The following NOTCH1 variants were observed in gnomAD, a reference collection of about 807,000 sequenced individuals.
The protein encoded by NOTCH1 is notch receptor 1.
In NOTCH1, 37 loss-of-function variants were observed where a neutral mutation model predicts 254.8. The observed-to-expected ratio is 0.15, with a 90% CI of 0.11 to 0.19. The LOEUF (loss-of-function observed/expected upper bound fraction) is 0.19. Ranked by LOEUF, NOTCH1 falls within the 10% of genes least tolerant of loss-of-function variation. NOTCH1 has a pLI of 1.00. For synonymous variants in NOTCH1, 1,731 were observed against 1,618.1 expected (o/e 1.07, Z -1.68); for missense variants, 2,972 against 3,708.6 (o/e 0.80, Z 5.16).
At position 136,509,784 on chromosome 9, in the gene NOTCH1, G is replaced by T; in HGVS notation, c.2918C>A (p.Ala973Glu). The T allele has an allele frequency of 6.2e-7, 1 of 1,613,094 alleles. No homozygotes were observed. ...CVDSYTCTCPAGFSGIHCENN... is the reference protein window; with the variant it reads ...CVDSYTCTCPEGFSGIHCENN... ...CTCACAGTGGATCCCGCTGAAGCCT[G>T]CGGGGCAGGTGCACGTGTAGCTGTC... The change falls in exon 18 of 34, where the codon GCA (alanine) becomes GAA (glutamate). Residue 973 changes from alanine (A) to glutamate (E), a missense_variant. By Grantham distance (107) the Ala-to-Glu change is moderately radical. Around this residue, in one of 8 missense-constraint regions of NOTCH1, gnomAD observed 1,343 missense variants for 1,557.0 expected, o/e 0.86. Coordinates refer to ENST00000651671, the MANE Select transcript of NOTCH1 (RefSeq NM_017617.5).
rs748001079 is a variant in NOTCH1 at position 136,519,569 on chromosome 9, C to T, written c.743-4G>A. The T allele has an allele frequency of 6.2e-7, 1 of 1,612,742 alleles. No individual in the cohort carries two copies. The highest frequency in any genetic ancestry group is 8.5e-7 in the Non-Finnish European group (1 of 1,179,884). ...TCACAGTTCTGGCCGGTGAAGCCTG[C>T]CGCAAGAGGGGCCGGGTCAGCCTCT... On this transcript the variant is annotated splice_polypyrimidine_tract_variant and splice_region_variant and intron_variant, in intron 4 of 33. Transcript: ENST00000651671.
chr9:136,517,252 G>GGGGC lies in NOTCH1; in HGVS notation c.1555+16_1555+19dup. On this transcript the variant is annotated intron_variant, in intron 9 of 33. Coordinates refer to ENST00000651671, the MANE Select transcript of NOTCH1 (RefSeq NM_017617.5). ...CAGGGTGCAGACGACCCGGGGGCAG[G>GGGGC]GGGCGGGGGTGGCCCTCACCCGTGG... is the stretch of plus-strand genomic sequence containing the variant. 1 of 1,514,808 alleles carries GGGGC rather than the reference G, an allele frequency of 6.6e-7. No homozygotes were observed. Among genetic ancestry groups the GGGGC allele is most frequent in the Non-Finnish European group, 9.0e-7 (1 of 1,105,068 alleles). 93.8% of individuals were successfully genotyped at this position (1,514,808 alleles called of 1,614,324 possible). A position where few individuals can be genotyped will look rare whatever the true frequency, so the allele number is the denominator to read the frequency against.
rs1279772014 is a variant in NOTCH1 at position 136,523,039 on chromosome 9, T to G, written c.553A>C (p.Lys185Gln). The G allele has an allele frequency of 6.4e-7, 1 of 1,556,260 alleles. No individual in the cohort carries two copies. Among genetic ancestry groups the G allele is most frequent in the Non-Finnish European group, 8.7e-7 (1 of 1,150,438 alleles). ...CRQDVNECGQKPGLCRHGGTC... is the reference protein window; with the variant it reads ...CRQDVNECGQQPGLCRHGGTC... ...CCTCCGTGGCGGCAAAGCCCGGGCT[T>G]CTGGCCACACTCGTTGACATCCTGC... Residue 185 changes from lysine to glutamine, a missense_variant, in exon 4 of 34, where the codon AAG (lysine) becomes CAG (glutamine). By Grantham distance (53) the Lys-to-Gln change is moderately conservative. This residue lies in a region of NOTCH1 where 374 missense variants were observed against 496.3 expected (regional missense o/e 0.75). Transcript: ENST00000651671.
chr9:136,522,186 C>G (rs1308416773), intron 4 of NOTCH1, among the ~76,000 whole-genome samples: 1 of 152,108 alleles, frequency 6.6e-6, no homozygotes, highest in Non-Finnish European at 1.5e-5. Flanking sequence ...GCCGTGTTAG[C>G]CAGGATGGTC....
chr9:136,502,128 C>G (rs2133330347), intron 28 of NOTCH1, 40 bp from the exon 29 acceptor site: 1 of 1,609,412 alleles, frequency 6.2e-7, no homozygotes, highest in Non-Finnish European at 8.5e-7. Context: ...TGAGCGAGCT[C>G]CCTAGGAAGC....
chr9:136,535,460 TA>T (rs1272705000), intron 2 of NOTCH1, among the ~76,000 whole-genome samples: 1 of 132,064 alleles, frequency 7.6e-6, no homozygotes, highest in African/African-American at 3.2e-5. Context: ...GGGTGCAGGG[TA>T]GGCGGGGAGC....
rs1257950122 is a variant in NOTCH1 at position 136,540,296 on chromosome 9, C to G, written c.140+3728G>C. Among the ~76,000 whole-genome samples the G allele has an allele frequency of 6.6e-6, 1 of 152,204 alleles. No individual in the cohort carries two copies. Among genetic ancestry groups the G allele is most frequent in the East Asian group, 1.9e-4 (1 of 5,192 alleles). ...GCCTGGCCTGGAGCAGAACGCAGCA[C>G]ACAGCAGGCGCTCAAACGTGTCTGT... On this transcript the variant is annotated intron_variant, in intron 2 of 33. Coordinates refer to ENST00000651671, the MANE Select transcript of NOTCH1 (RefSeq NM_017617.5). The surrounding 1 kb of genome is among the most constrained non-coding windows in gnomAD (Gnocchi z 4.4).
Position 136,495,365 on chromosome 9 carries a change from C to T in NOTCH1, c.*706G>A, listed in dbSNP as rs918998472. On this transcript the variant is annotated 3_prime_UTR_variant, in exon 34 of 34. Transcript: ENST00000651671. Reference sequence around the variant, plus strand: ...TGAAACAAAGATTCATGATTGGTACCATGGGTGCACTCTTGGCATACACAC... The same window carrying T: ...TGAAACAAAGATTCATGATTGGTACTATGGGTGCACTCTTGGCATACACAC... 1.0e-5 allele frequency: 4 copies of T among 398,884 alleles called. No homozygotes were observed. Among genetic ancestry groups the T allele is most frequent in the Non-Finnish European group, 1.8e-5 (4 of 226,116 alleles). 24.7% of individuals were successfully genotyped at this position (398,884 alleles called of 1,614,324 possible).
At chr9:136,524,740 C>T (rs9411256) in intron 2 of NOTCH1, among the ~76,000 whole-genome samples, 61,107 of 149,868 alleles carry the variant, frequency 0.41, 13,460 homozygotes, top group East Asian at 0.81. Context: ...CAGGTTCAAG[C>T]GATTCTCCTG....
chr9:136,536,834 G>C (rs1843664645), intron 2 of NOTCH1, among the ~76,000 whole-genome samples: 1 of 152,264 alleles, frequency 6.6e-6, no homozygotes, highest in Non-Finnish European at 1.5e-5. Flanking sequence ...CATCTGCCGT[G>C]CCCACCCATA....
Position 136,518,315 on chromosome 9 carries a change from T to C in NOTCH1, c.1100-23A>G, listed in dbSNP as rs1419232054. The C allele has an allele frequency of 1.9e-6, 3 of 1,602,432 alleles. No individual in the cohort carries two copies. In the African/African-American group the frequency reaches 4.0e-5, roughly 21 times the overall value. ...GACCTGGGCAGGCAGCGGCGGTCAG[T>C]GGGCACGGCCCCTGGGCCAGGCATG... On this transcript the variant is annotated intron_variant, in intron 6 of 33. Transcript: ENST00000651671.
At chr9:136,523,270 G>C in intron 3 of NOTCH1, 82 bp from the exon 4 acceptor site, 1 of 1,392,430 alleles carries the variant, frequency 7.2e-7, no homozygotes, top group Non-Finnish European at 9.9e-7. Context: ...GCCACCTGGA[G>C]GTGCCAGCCT....
Position 136,513,785 on chromosome 9 carries a change from T to C in NOTCH1, c.2208-248A>G, listed in dbSNP as rs1843220775. Among the ~76,000 whole-genome samples the C allele has an allele frequency of 6.6e-6, 1 of 151,876 alleles. No homozygotes were observed. Among genetic ancestry groups the C allele is most frequent in the South Asian group, 2.1e-4 (1 of 4,822 alleles). On this transcript the variant is annotated intron_variant, in intron 13 of 33. Coordinates refer to ENST00000651671, the MANE Select transcript of NOTCH1 (RefSeq NM_017617.5). The surrounding 1 kb of genome is among the most constrained non-coding windows in gnomAD (Gnocchi z 4.7). The stretch of plus-strand genomic sequence containing the variant: ...ATCAGCCTGGCCAACATGGCGAAAC[T>C]CCCCCACCCCATATATACTAAAAAT...
At chr9:136,543,651 C>T (rs367583844) in intron 2 of NOTCH1, 2 of 409,030 alleles carry the variant, frequency 4.9e-6, no homozygotes, top group Non-Finnish European at 9.2e-6. Flanking sequence ...GAGGAGGCGC[C>T]CCAAGTTGGC....
chr9:136,539,746 C>T (rs564974895), intron 2 of NOTCH1, among the ~76,000 whole-genome samples: 1 of 152,338 alleles, frequency 6.6e-6, no homozygotes, highest in South Asian at 2.1e-4. Context: ...CTCAGCTCAG[C>T]ATGAGGAGGA....
rs1213084362 is a variant in NOTCH1 at position 136,505,403 on chromosome 9, T to C, written c.4493A>G (p.Lys1498Arg). 1.9e-6 allele frequency: 3 copies of C among 1,612,650 alleles called. No individual in the cohort carries two copies. The highest frequency in any genetic ancestry group is 2.2e-5 in the East Asian group (1 of 44,878). The change falls in exon 25 of 34, where the codon AAG becomes AGG. Residue 1498 changes from lysine to arginine, a missense_variant. Transcript: ENST00000651671. The stretch of plus-strand genomic sequence containing the variant: ...GTCACAGTGGCCGTCACTGAAGTAC[T>C]TCCAGCACTGCAGAGACTGCGTGCA... ...KNCTQSLQCW[K>R]YFSDGHCDSQ...
At position 136,513,987 on chromosome 9, in the gene NOTCH1, G is replaced by A. The variant is rs1843223533; in HGVS notation, c.2208-450C>T. ...GTCTCAAAATAAAGAAAAAAGTGGGGGCCGCAGCGCTTCCCATACCCAAGA... is the reference window on the plus strand; with the variant it reads ...GTCTCAAAATAAAGAAAAAAGTGGGAGCCGCAGCGCTTCCCATACCCAAGA... On this transcript the variant is annotated intron_variant, in intron 13 of 33. Coordinates refer to ENST00000651671, the MANE Select transcript of NOTCH1 (RefSeq NM_017617.5). This position sits in a 1 kb window ranked among gnomAD's most constrained non-coding sequence, Gnocchi z 4.7. Among the ~76,000 whole-genome samples the A allele has an allele frequency of 6.6e-6, 1 of 152,086 alleles. No individual in the cohort carries two copies. The highest frequency in any genetic ancestry group is 1.5e-5 in the Non-Finnish European group (1 of 68,026).
chr9:136,524,087 G>C, intron 2 of NOTCH1, 108 bp from the exon 3 acceptor site: 1 of 1,392,352 alleles, frequency 7.2e-7, no homozygotes, highest in Admixed American at 2.0e-5. Context: ...CCCACACCCC[G>C]GGCACGGGCA....
chr9:136,527,098 G>GT (rs1309079865), intron 2 of NOTCH1, among the ~76,000 whole-genome samples: 1 of 152,218 alleles, frequency 6.6e-6, no homozygotes, highest in Non-Finnish European at 1.5e-5. Context: ...GGGTCTGTGT[G>GT]TGGGGGGCAG....
Sources: gnomAD v4.1 joint callset for allele counts (sites outside exome capture counted in the v4.1 genomes callset) on GRCh38, gnomAD v4.1.1 for gene constraint, gnomAD v4.1.1 regional missense constraint, Gnocchi (gnomAD v3.1) non-coding constraint, MANE v1.5 for transcripts, NCBI Gene and HGNC (gene_info 2026-07-23, HGNC 2026-07-21) for gene names.